IK: variants seen among roughly 807,000 people sequenced by gnomAD.
IK encodes the protein IK cytokine, also known as protein Red.
IK carries 47 observed loss-of-function variants against 90.9 expected under a neutral mutation model. That is an observed-to-expected ratio of 0.52 (90% confidence interval 0.41 to 0.66). IK has a LOEUF of 0.66. Among genes scored for constraint, IK ranks in the 30% least tolerant of loss-of-function variants. IK has a pLI of 0.00. For synonymous variants in IK, 201 were observed against 227.5 expected, an observed-to-expected ratio of 0.88 and a Z score of 1.05; for missense variants, 385 against 709.3, an observed-to-expected ratio of 0.54 and a Z score of 5.19.
intron 2 of IK, 90 bp downstream of exon 2, chr5:140,648,627 A>G: frequency 7.7e-7 from 1 of 1,290,340 alleles, no homozygotes; most frequent in South Asian, 1.2e-5. Context: ...ATGTCTTGTC[A>G]TCAAGGATGG....
intron 2 of IK, 132 bp downstream of exon 2, chr5:140,648,669 T>G: frequency 4.5e-6 from 4 of 879,182 alleles, no homozygotes; most frequent in Non-Finnish European, 7.5e-6. Flanking sequence ...CCTTTATCTC[T>G]GTGAGCCTTA....
Position 140,661,591 on chromosome 5 carries a change from C to G in IK, c.1414-29C>G. ...CCATTTCCACTGACATCTCTTCCTTCCCCATCCCCCGATTCTGTCCTGCAA... is the reference window on the plus strand; with the variant it reads ...CCATTTCCACTGACATCTCTTCCTTGCCCATCCCCCGATTCTGTCCTGCAA... On this transcript the variant is annotated intron_variant, in intron 16 of 19. Coordinates refer to ENST00000417647, the MANE Select transcript of IK (RefSeq NM_006083.4). The surrounding 1 kb of genome is among the most constrained non-coding windows in gnomAD (Gnocchi z 4.2). The G allele has an allele frequency of 6.7e-7, 1 of 1,502,928 alleles. No homozygotes were observed. The highest frequency in any genetic ancestry group is 2.3e-5 in the East Asian group (1 of 43,150). 93.1% of individuals were successfully genotyped at this position (1,502,928 alleles called of 1,614,324 possible). A position where few individuals can be genotyped will look rare whatever the true frequency, so the allele number is the denominator to read the frequency against.
At position 140,648,179 on chromosome 5, in the gene IK, C is replaced by A. The variant is rs115249726; in HGVS notation, c.16+255C>A. ...GCGGCTTTTGTGCGTGGATCGCTTT[C>A]CCCCAGTCCTGTCCCCATACTTAAT... On this transcript the variant is annotated intron_variant, in intron 1 of 19. Coordinates refer to ENST00000417647, the MANE Select transcript of IK (RefSeq NM_006083.4). 6.3e-3 allele frequency: 4,424 copies of A among 705,360 alleles called. 149 individuals carry two copies. In the African/African-American group the frequency reaches 0.069, roughly 11 times the overall value. The allele number at this position is 705,360 out of a possible 1,614,324, so 43.7% of individuals were successfully genotyped here.
chr5:140,658,653 G>A, intron 10 of IK, 84 bp from the exon 11 acceptor site: 1 of 1,117,062 alleles, frequency 9.0e-7, no homozygotes, highest in Non-Finnish European at 1.3e-6. Context: ...ATGTTTAAAA[G>A]GGCATTAAGA....
chr5:140,656,693 C>T (rs1757716791), intron 9 of IK, among the ~76,000 whole-genome samples: 1 of 152,138 alleles, frequency 6.6e-6, no homozygotes, highest in Admixed American at 6.5e-5. Context: ...TTGATACAGG[C>T]ATATAATGCA....
intron 15 of IK, 93 bp downstream of exon 15, chr5:140,660,288 A>ATTTTTTTTTT: frequency 1.3e-5 from 5 of 398,138 alleles, no homozygotes; most frequent in South Asian, 8.4e-5. Flanking sequence ...TCCCAGGGCT[A>ATTTTTTTTTT]CTTCTTTTTT....
intron 5 of IK, 28 bp from the exon 6 acceptor site, chr5:140,653,910 T>C (rs938855861): frequency 6.3e-6 from 9 of 1,420,540 alleles, no homozygotes; most frequent in African/African-American, 1.4e-5. Flanking sequence ...GACAGTACTG[T>C]TCTTATGTGG....
intron 5 of IK, 141 bp downstream of exon 5, chr5:140,653,285 TC>T (rs371270352): frequency 6.3e-5 from 37 of 589,300 alleles, no homozygotes; most frequent in South Asian, 1.0e-4. Flanking sequence ...AAAGGGCTGT[TC>T]TTTTTTTTTT....
At chr5:140,653,329 C>G (rs1283240782) in intron 5 of IK, among the ~76,000 whole-genome samples, 185 bp downstream of exon 5, 1 of 150,974 alleles carries the variant, frequency 6.6e-6, no homozygotes, top group Admixed American at 6.6e-5. Flanking sequence ...CTCTGTCACC[C>G]AGGCTGGACT....
chr5:140,661,108 C>T lies in IK; in HGVS notation c.1413+293C>T. ...AGCATCAATGCATAAGTAGAAAGGG[C>T]AGAAAAAATTGCAGTCTTTGGAAAA... On this transcript the variant is annotated intron_variant, in intron 16 of 19. Coordinates refer to ENST00000417647, the MANE Select transcript of IK (RefSeq NM_006083.4). This position sits in a 1 kb window ranked among gnomAD's most constrained non-coding sequence, Gnocchi z 4.2. 2.7e-6 allele frequency: 1 copy of T among 369,090 alleles called. No individual in the cohort carries two copies. Among genetic ancestry groups the T allele is most frequent in the Non-Finnish European group, 4.8e-6 (1 of 207,242 alleles). 22.9% of individuals were successfully genotyped at this position (369,090 alleles called of 1,614,324 possible). A position where few individuals can be genotyped will look rare whatever the true frequency, so the allele number is the denominator to read the frequency against.
At chr5:140,658,232 C>G (rs989525949) in intron 10 of IK, among the ~76,000 whole-genome samples, 40 of 152,166 alleles carry the variant, frequency 2.6e-4, no homozygotes, top group Non-Finnish European at 1.5e-4. Context: ...CCTCGAACTC[C>G]TGACCTTATG....
Position 140,655,932 on chromosome 5 carries a change from T to C in IK, c.741T>C (p.Tyr247=), listed in dbSNP as rs763246546. 3.2e-6 allele frequency: 5 copies of C among 1,571,640 alleles called. No homozygotes were observed. The South Asian group carries it at 5.8e-5, about 18-fold the overall frequency. Residue 247 remains tyrosine (Y), a synonymous_variant, in exon 9 of 20, where the codon TAT becomes TAC. Transcript: ENST00000417647. ...ATGTGGTAGACCTGGATGATGAGTATGCTGACACAGATATCCCCACCACTC... is the reference window on the plus strand; with the variant it reads ...ATGTGGTAGACCTGGATGATGAGTACGCTGACACAGATATCCCCACCACTC... ...MAYVVDLDDE[Y]ADTDIPTTLI...
In IK at chr5:140,649,478, G is replaced by A. The variant is rs187117084; in HGVS notation, c.83+941G>A. Among the ~76,000 whole-genome samples the A allele has an allele frequency of 2.8e-4, 43 of 152,028 alleles. 1 individual carries two copies. The South Asian group carries it at 4.8e-3, about 17-fold the overall frequency. On this transcript the variant is annotated intron_variant, in intron 2 of 19. Coordinates refer to ENST00000417647, the MANE Select transcript of IK (RefSeq NM_006083.4). ...GATCCACCCGCCTCAGCCTCCTAAAGTGCTGGCATTACAGGCGTGAGCCAC... is the reference window on the plus strand; with the variant it reads ...GATCCACCCGCCTCAGCCTCCTAAAATGCTGGCATTACAGGCGTGAGCCAC...
intron 8 of IK, 94 bp downstream of exon 8, chr5:140,654,821 C>A: frequency 2.4e-6 from 2 of 827,856 alleles, no homozygotes; most frequent in Non-Finnish European, 3.9e-6. Flanking sequence ...TTTCCCCCAA[C>A]CTCCTTTCTT....
intron 15 of IK, 44 bp from the exon 16 acceptor site, chr5:140,660,714 G>A (rs763306563): frequency 1.1e-5 from 16 of 1,502,650 alleles, no homozygotes; most frequent in Non-Finnish European, 1.4e-5. Context: ...ATGAAGCATA[G>A]GGTCAGGGTA....
intron 5 of IK, 127 bp downstream of exon 5, chr5:140,653,271 C>G: frequency 1.4e-6 from 1 of 712,104 alleles, no homozygotes; most frequent in East Asian, 2.8e-5. Context: ...CATTTGCCAC[C>G]CACAAAGGGC....
rs770346186 is a variant in IK at position 140,652,940 on chromosome 5, T to A, written c.237-37T>A. ...GTTCTGTTGACCTTGAGGTAGCAGC[T>A]GATGAGCCTTATACATTTGCCTTTC... On this transcript the variant is annotated intron_variant, in intron 4 of 19. Transcript: ENST00000417647. The A allele has an allele frequency of 2.5e-6, 4 of 1,605,352 alleles. No homozygotes were observed. The South Asian group carries it at 4.4e-5, about 18-fold the overall frequency.
At chr5:140,658,243 A>G (rs1292390393) in intron 10 of IK, among the ~76,000 whole-genome samples, 2 of 151,886 alleles carry the variant, frequency 1.3e-5, no homozygotes, top group East Asian at 1.9e-4. Context: ...TGACCTTATG[A>G]TGTGCCCACC....
chr5:140,647,930 G>C lies in IK; in HGVS notation c.16+6G>C, dbSNP rs748188529. 459 of 1,613,722 alleles carry C rather than the reference G, an allele frequency of 2.8e-4. No individual in the cohort carries two copies. Among genetic ancestry groups the C allele is most frequent in the Non-Finnish European group, 3.6e-4 (429 of 1,179,838 alleles). ...CAAAATGCCGGAGCGAGATAGTAAG[G>C]CTCAGGCCATCCGTTATTTCTTCCC... On this transcript the variant is annotated splice_donor_region_variant and intron_variant, in intron 1 of 19. Coordinates refer to ENST00000417647, the MANE Select transcript of IK (RefSeq NM_006083.4).
Sources: allele counts gnomAD v4.1 joint callset (sites outside exome capture counted in the v4.1 genomes callset), GRCh38; gene constraint gnomAD v4.1.1; non-coding constraint Gnocchi (gnomAD v3.1); transcripts MANE v1.5; gene names NCBI Gene and HGNC (gene_info 2026-07-23, HGNC 2026-07-21).